ANKRD11: variants seen among roughly 807,000 people sequenced by gnomAD.
ANKRD11 encodes the protein ankyrin repeat domain-containing protein 11.
In ANKRD11, 17 loss-of-function variants were observed where a neutral mutation model predicts 195.7. The observed-to-expected ratio is 0.09, with a 90% CI of 0.06 to 0.13. The LOEUF (loss-of-function observed/expected upper bound fraction) is 0.13. ANKRD11 is among the 10% of genes least tolerant of loss of function. The pLI is 1.00. For synonymous variants in ANKRD11, 1,953 were observed against 1,528.1 expected (o/e 1.28, Z -6.49); for missense variants, 3,735 against 3,566.1 (o/e 1.05, Z -1.21).
At position 89,280,915 on chromosome 16, in the gene ANKRD11, G is replaced by A. The variant is rs529132215; in HGVS notation, c.5627C>T (p.Thr1876Ile). ...HCPPAAVVTV[T>I]PSPEGVFSSL... ...TGAGAAGACGCCCTCTGGAGACGGGGTGACAGTGACAACGGCAGCCGGTGG... is the reference window on the plus strand; with the variant it reads ...TGAGAAGACGCCCTCTGGAGACGGGATGACAGTGACAACGGCAGCCGGTGG... Residue 1876 changes from threonine to isoleucine, a missense_variant, in exon 9 of 13, where the codon ACC (threonine) becomes ATC (isoleucine). By Grantham distance (89) the Thr-to-Ile change is moderately conservative (BLOSUM62 -1). Transcript: ENST00000301030. 15 of 1,598,486 alleles carry A rather than the reference G, an allele frequency of 9.4e-6. No homozygotes were observed. The East Asian group carries it at 1.8e-4, about 19-fold the overall frequency.
At chr16:89,327,455 G>A (rs892872869) in intron 2 of ANKRD11, among the ~76,000 whole-genome samples, 8 of 152,144 alleles carry the variant, frequency 5.3e-5, no homozygotes, top group African/African-American at 1.7e-4. Context: ...TGGTGTAAGT[G>A]TCCATGTCGA....
chr16:89,354,509 C>T (rs2039379092), intron 2 of ANKRD11, among the ~76,000 whole-genome samples: 1 of 152,204 alleles, frequency 6.6e-6, no homozygotes, highest in African/African-American at 2.4e-5. Context: ...GCGTGCCCAG[C>T]ACCTGCTCTT....
intron 1 of ANKRD11, among the ~76,000 whole-genome samples, chr16:89,463,491 T>C (rs1278929774): frequency 6.6e-6 from 1 of 152,116 alleles, no homozygotes; most frequent in African/African-American, 2.4e-5. Context: ...TTAAGAGTCA[T>C]CACCACTCCC....
At chr16:89,422,880 T>G (rs2152246148) in intron 1 of ANKRD11, among the ~76,000 whole-genome samples, 1 of 152,342 alleles carries the variant, frequency 6.6e-6, no homozygotes, top group East Asian at 1.9e-4. Flanking sequence ...CACTTTTTTC[T>G]TTTTTTCTTT....
At position 89,316,932 on chromosome 16, in the gene ANKRD11, C is replaced by T; in HGVS notation, c.87+1G>A. On this transcript the variant is annotated splice_donor_variant, in intron 3 of 12. Transcript: ENST00000301030. LOFTEE classifies it high-confidence loss of function. ...GCAGGGCTGGGAGGGGGCAGCATTA[C>T]CTTTTTCCCAGTCTGCTTCTCCACC... is the stretch of plus-strand genomic sequence containing the variant. 1 of 1,613,304 alleles carries T rather than the reference C, an allele frequency of 6.2e-7. No individual in the cohort carries two copies. The highest frequency in any genetic ancestry group is 8.5e-7 in the Non-Finnish European group (1 of 1,179,750).
chr16:89,342,184 G>A (rs2038722202), intron 2 of ANKRD11, among the ~76,000 whole-genome samples: 1 of 152,260 alleles, frequency 6.6e-6, no homozygotes, highest in Non-Finnish European at 1.5e-5. Context: ...GCACAACACA[G>A]GTACTGACAG....
At chr16:89,335,042 C>A (rs1221842647) in intron 2 of ANKRD11, among the ~76,000 whole-genome samples, 2 of 152,144 alleles carry the variant, frequency 1.3e-5, no homozygotes, top group Non-Finnish European at 2.9e-5. Context: ...TGTGCCATTT[C>A]CTCCACGGAT....
intron 1 of ANKRD11, among the ~76,000 whole-genome samples, chr16:89,457,537 G>A (rs933419753): frequency 9.3e-5 from 14 of 149,790 alleles, no homozygotes; most frequent in Non-Finnish European, 1.6e-4. Flanking sequence ...GGCGGAGGCT[G>A]CAGTGAGCTG....
At chr16:89,341,911 C>A (rs1396794547) in intron 2 of ANKRD11, among the ~76,000 whole-genome samples, 117 of 150,392 alleles carry the variant, frequency 7.8e-4, no homozygotes, top group African/African-American at 2.7e-3. Flanking sequence ...CCCACAGCGG[C>A]CACGGCCCAC....
chr16:89,405,863 C>T (rs987925109), intron 2 of ANKRD11, among the ~76,000 whole-genome samples: 8 of 152,114 alleles, frequency 5.3e-5, no homozygotes, highest in Non-Finnish European at 1.0e-4. Flanking sequence ...ATAATCCCAG[C>T]ACTTTGGGAG....
chr16:89,288,677 A>G lies in ANKRD11; in HGVS notation c.602-7T>C. ...TCGTGCAGCGCCGTCCAGCCTGGAA[A>G]CAGACACTCAGGACGTACGTTATTT... On this transcript the variant is annotated splice_region_variant and splice_polypyrimidine_tract_variant and intron_variant, in intron 6 of 12. Transcript: ENST00000301030. 2 of 1,613,990 alleles carry G rather than the reference A, an allele frequency of 1.2e-6. No individual in the cohort carries two copies. The highest frequency in any genetic ancestry group is 1.7e-6 in the Non-Finnish European group (2 of 1,180,014).
At chr16:89,311,891 G>C (rs2036625739) in intron 3 of ANKRD11, among the ~76,000 whole-genome samples, 1 of 152,010 alleles carries the variant, frequency 6.6e-6, no homozygotes, top group Non-Finnish European at 1.5e-5. Flanking sequence ...CACAGGGAAG[G>C]ACTTCCACTT....
chr16:89,304,557 G>A (rs1597547033), intron 4 of ANKRD11, among the ~76,000 whole-genome samples: 1 of 148,960 alleles, frequency 6.7e-6, no homozygotes, highest in Non-Finnish European at 1.5e-5. Context: ...CACATACACG[G>A]GCACACACAT....
At chr16:89,468,939 T>TA (rs2056975371) in intron 1 of ANKRD11, among the ~76,000 whole-genome samples, 1 of 152,138 alleles carries the variant, frequency 6.6e-6, no homozygotes, top group Non-Finnish European at 1.5e-5. Context: ...AAATGATAAA[T>TA]AAATGTAAAA....
At chr16:89,326,788 A>T (rs1041697507) in intron 2 of ANKRD11, among the ~76,000 whole-genome samples, 3 of 152,178 alleles carry the variant, frequency 2.0e-5, no homozygotes, top group Non-Finnish European at 4.4e-5. Flanking sequence ...GGGGCATGAA[A>T]AAGTGCTTGG....
chr16:89,485,731 C>A (rs1169679963), intron 1 of ANKRD11, among the ~76,000 whole-genome samples: 1 of 152,056 alleles, frequency 6.6e-6, no homozygotes, highest in Non-Finnish European at 1.5e-5. Flanking sequence ...AGAAAAAAAT[C>A]AATAGGGCAC....
Position 89,309,905 on chromosome 16 carries a change from G to A in ANKRD11, c.88-4561C>T, listed in dbSNP as rs116189616. Reference sequence around the variant, plus strand: ...ACAGCCATGGCACAATGACCCTGCCGGGCCCCACCAGCCTGCCGGCCACCT... The same window carrying A: ...ACAGCCATGGCACAATGACCCTGCCAGGCCCCACCAGCCTGCCGGCCACCT... On this transcript the variant is annotated intron_variant, in intron 3 of 12. Transcript: ENST00000301030. Among the ~76,000 whole-genome samples the A allele has an allele frequency of 2.0e-3, 300 of 152,262 alleles. 1 individual carries two copies. Among genetic ancestry groups the A allele is most frequent in the African/African-American group, 6.7e-3 (278 of 41,560 alleles).
At chr16:89,402,539 G>A (rs922703381) in intron 2 of ANKRD11, among the ~76,000 whole-genome samples, 2 of 151,470 alleles carry the variant, frequency 1.3e-5, no homozygotes, top group African/African-American at 2.4e-5. Context: ...AAATTGCTGC[G>A]TATGGTGCCG....
At position 89,285,093 on chromosome 16, in the gene ANKRD11, G is replaced by A. The variant is rs375543669; in HGVS notation, c.1449C>T (p.Ser483=). The change falls in exon 9 of 13, where the codon AGC becomes AGT. Residue 483 remains serine, a synonymous_variant. Transcript: ENST00000301030. This position sits in a 1 kb window ranked among gnomAD's most constrained non-coding sequence, Gnocchi z 5.6. ...SDKFCSSESE[S]ESSESGEDDR... ...CATCCTCCCCACTCTCTGAGGACTC[G>A]CTCTCCGACTCCGAGGAGCAGAACT... 90 of 1,613,618 alleles carry A rather than the reference G, an allele frequency of 5.6e-5. No individual in the cohort carries two copies. The highest frequency in any genetic ancestry group is 6.9e-5 in the Non-Finnish European group (82 of 1,180,034).
Sources: gnomAD v4.1 joint callset for allele counts (sites outside exome capture counted in the v4.1 genomes callset) on GRCh38, gnomAD v4.1.1 for gene constraint, Gnocchi (gnomAD v3.1) non-coding constraint, MANE v1.5 for transcripts, NCBI Gene and HGNC (gene_info 2026-07-23, HGNC 2026-07-21) for gene names.